KIF6: variants seen among roughly 807,000 people sequenced by gnomAD.
The protein encoded by KIF6 is kinesin-like protein KIF6.
A neutral mutation model predicts 112.7 loss-of-function variants in KIF6; 106 were observed. The observed-to-expected ratio is 0.94, with a 90% confidence interval of 0.80 to 1.11. The LOEUF (loss-of-function observed/expected upper bound fraction) is 1.11. Among genes scored for constraint, KIF6 ranks in the 50% least tolerant of loss-of-function variants. KIF6 has a pLI of 0.00. For synonymous variants in KIF6, 339 were observed against 339.9 expected (o/e 1.00, Z 0.03); for missense variants, 929 against 964.0 (o/e 0.96, Z 0.48).
chr6:39,364,194 C>T (rs553328443), intron 16 of KIF6, among the ~76,000 whole-genome samples: 4 of 151,888 alleles, frequency 2.6e-5, no homozygotes, highest in African/African-American at 4.8e-5. Context: ...CAGGTTCAAG[C>T]GATTCTCCTG....
At chr6:39,487,607 C>G (rs940526559) in intron 13 of KIF6, among the ~76,000 whole-genome samples, 3 of 151,886 alleles carry the variant, frequency 2.0e-5, no homozygotes. Context: ...TTGTTCCAGA[C>G]GAGGTAAGAA....
intron 9 of KIF6, among the ~76,000 whole-genome samples, chr6:39,580,855 C>T (rs1781247356): frequency 6.6e-6 from 1 of 152,122 alleles, no homozygotes; most frequent in Non-Finnish European, 1.5e-5. Context: ...TGAATGAATT[C>T]CCCATTACCA....
intron 5 of KIF6, among the ~76,000 whole-genome samples, chr6:39,623,181 A>T (rs1450831200): frequency 1.3e-5 from 2 of 152,214 alleles, no homozygotes; most frequent in African/African-American, 2.4e-5. Flanking sequence ...AAGTAGTATA[A>T]CATGATTTCA....
At chr6:39,467,844 T>C (rs1287875977) in intron 13 of KIF6, among the ~76,000 whole-genome samples, 1 of 152,142 alleles carries the variant, frequency 6.6e-6, no homozygotes, top group Non-Finnish European at 1.5e-5. Flanking sequence ...GCAGACAGAC[T>C]TCAAACCAGT....
intron 5 of KIF6, among the ~76,000 whole-genome samples, chr6:39,624,636 C>T (rs571469719): frequency 6.6e-6 from 1 of 152,252 alleles, no homozygotes; most frequent in Non-Finnish European, 1.5e-5. Context: ...TGTATTTCAC[C>T]TCTTAATGGC....
chr6:39,416,885 C>T (rs748001474), intron 15 of KIF6, among the ~76,000 whole-genome samples: 1 of 152,136 alleles, frequency 6.6e-6, no homozygotes, highest in South Asian at 2.1e-4. Flanking sequence ...AGGCCAATTA[C>T]GTGTGTACCC....
chr6:39,475,884 T>A (rs1774400210), intron 13 of KIF6, among the ~76,000 whole-genome samples: 1 of 152,126 alleles, frequency 6.6e-6, no homozygotes, highest in Non-Finnish European at 1.5e-5. Flanking sequence ...AGGAACAAGA[T>A]CATGTCCTTT....
intron 3 of KIF6, among the ~76,000 whole-genome samples, chr6:39,686,172 A>T (rs1446523817): frequency 6.6e-6 from 1 of 152,234 alleles, no homozygotes; most frequent in Non-Finnish European, 1.5e-5. Flanking sequence ...AATTGAATAA[A>T]TCATATTTTG....
chr6:39,697,801 G>A (rs1788637036), intron 3 of KIF6, among the ~76,000 whole-genome samples: 1 of 152,048 alleles, frequency 6.6e-6, no homozygotes, highest in Non-Finnish European at 1.5e-5. Context: ...ACCTGCCTCG[G>A]CCTCCCAAAG....
chr6:39,411,968 G>A (rs1211040954), intron 15 of KIF6, among the ~76,000 whole-genome samples: 1 of 152,130 alleles, frequency 6.6e-6, no homozygotes, highest in Admixed American at 6.5e-5. Context: ...TCCATTTGAC[G>A]GGCATGGGTC....
At chr6:39,615,871 C>T (rs114140848) in intron 5 of KIF6, among the ~76,000 whole-genome samples, 2,087 of 152,238 alleles carry the variant, frequency 0.014, 18 homozygotes, top group Non-Finnish European at 0.022. Flanking sequence ...ACCTCCCTGA[C>T]CATGCAGTTG....
At chr6:39,701,506 G>C (rs1445821138) in intron 3 of KIF6, among the ~76,000 whole-genome samples, 1 of 152,254 alleles carries the variant, frequency 6.6e-6, no homozygotes, top group Non-Finnish European at 1.5e-5. Flanking sequence ...TGCGTGTGCT[G>C]CTGCTCCACA....
intron 13 of KIF6, among the ~76,000 whole-genome samples, chr6:39,517,033 C>T (rs900974813): frequency 6.6e-6 from 1 of 152,174 alleles, no homozygotes; most frequent in African/African-American, 2.4e-5. Flanking sequence ...CCTTCTTCCA[C>T]TGGTTGATGC....
intron 3 of KIF6, among the ~76,000 whole-genome samples, chr6:39,646,913 T>A (rs899582839): frequency 1.3e-5 from 2 of 152,194 alleles, no homozygotes; most frequent in Non-Finnish European, 2.9e-5. Context: ...TTAACTTCTG[T>A]CTACTGTAAC....
chr6:39,558,899 C>T (rs1779866085), intron 10 of KIF6, among the ~76,000 whole-genome samples: 1 of 152,116 alleles, frequency 6.6e-6, no homozygotes, highest in Admixed American at 6.6e-5. Flanking sequence ...AATACAGAAA[C>T]AGCCCTGAGA....
chr6:39,634,671 A>T (rs1191223067), intron 5 of KIF6, among the ~76,000 whole-genome samples, 178 bp downstream of exon 5: 2 of 152,086 alleles, frequency 1.3e-5, no homozygotes, highest in African/African-American at 4.8e-5. Context: ...TTTAGTTCCC[A>T]TCACTACTGT....
At chr6:39,555,230 C>G (rs1223888163) in intron 10 of KIF6, among the ~76,000 whole-genome samples, 1 of 152,172 alleles carries the variant, frequency 6.6e-6, no homozygotes, top group Non-Finnish European at 1.5e-5. Flanking sequence ...GAGCCCTCCC[C>G]AAGCCCAGTT....
At chr6:39,460,536 T>TAAAAAAAA (rs759528125) in intron 13 of KIF6, among the ~76,000 whole-genome samples, 1 of 57,078 alleles carries the variant, frequency 1.8e-5, no homozygotes, top group African/African-American at 7.3e-5. Flanking sequence ...AAAAAAAAAG[T>TAAAAAAAA]AAAAAAAAAA....
At chr6:39,612,203 G>T in intron 6 of KIF6, among the ~76,000 whole-genome samples, 1 of 152,192 alleles carries the variant, frequency 6.6e-6, no homozygotes, top group African/African-American at 2.4e-5. Flanking sequence ...CAGACATGGG[G>T]CTGAATAAAA....
Sources: allele counts gnomAD v4.1 joint callset (sites outside exome capture counted in the v4.1 genomes callset), GRCh38; gene constraint gnomAD v4.1.1; transcripts MANE v1.5; gene names NCBI Gene and HGNC (gene_info 2026-07-23, HGNC 2026-07-21).